The following SGSH variants were observed in gnomAD, a reference collection of about 807,000 sequenced individuals.
SGSH encodes N-sulfoglucosamine sulfohydrolase.
A neutral mutation model predicts 51.0 loss-of-function variants in SGSH; 48 were observed. That is an observed-to-expected ratio of 0.94 (90% CI 0.75 to 1.20). The LOEUF is 1.20. SGSH is among the 50% of genes most tolerant of loss of function. SGSH has a pLI of 0.00. For synonymous variants in SGSH, 321 were observed against 313.4 expected, an observed-to-expected ratio of 1.02 and a Z score of -0.26; for missense variants, 662 against 717.8, an observed-to-expected ratio of 0.92 and a Z score of 0.89.
downstream of SGSH, chr17:80,207,801 G>C (rs1428085091): frequency 1.1e-5 from 3 of 279,438 alleles, no homozygotes; most frequent in African/African-American, 6.5e-5. Flanking sequence ...CCCGGCCTCA[G>C]CTCCACTGAC....
At chr17:80,202,460 C>T, downstream of SGSH, 1 of 1,593,406 alleles carries the variant, frequency 6.3e-7, no homozygotes, top group South Asian at 1.1e-5. Flanking sequence ...CCCAGAGAGG[C>T]CCACAGGGAA....
At position 80,210,694 on chromosome 17, in the gene SGSH, A is replaced by C; in HGVS notation, c.1267T>G (p.Trp423Gly). 2 of 1,614,070 alleles carry C rather than the reference A, an allele frequency of 1.2e-6. No homozygotes were observed. The highest frequency in any genetic ancestry group is 1.7e-6 in the Non-Finnish European group (2 of 1,180,038). Reference protein sequence around the residue: ...NRTTAGQPTGWYKDLRHYYYR... With the variant: ...NRTTAGQPTGGYKDLRHYYYR... ...TAGTAATGACGGAGGTCCTTGTACC[A>C]GCCCGTGGGCTGACCAGCTGTGGTG... The change falls in exon 8 of 8, where the codon TGG (tryptophan) becomes GGG (glycine). Residue 423 changes from tryptophan to glycine, a missense_variant. Coordinates refer to ENST00000326317, the MANE Select transcript of SGSH (RefSeq NM_000199.5).
Position 80,210,625 on chromosome 17 carries a change from G to A in SGSH, c.1336C>T (p.His446Tyr), listed in dbSNP as rs1370947498. The change falls in exon 8 of 8, where the codon CAC (histidine) becomes TAC (tyrosine). Residue 446 changes from histidine (H) to tyrosine (Y), a missense_variant. Coordinates refer to ENST00000326317, the MANE Select transcript of SGSH (RefSeq NM_000199.5). ...WELYDRSRDP[H>Y]ETQNLATDPR... ...TCGGTGGCCAGGTTCTGGGTCTCGTGGGGGTCCCGGCTCCGGTCGTAGAGC... is the reference window on the plus strand; with the variant it reads ...TCGGTGGCCAGGTTCTGGGTCTCGTAGGGGTCCCGGCTCCGGTCGTAGAGC... 1 of 1,613,726 alleles carries A rather than the reference G, an allele frequency of 6.2e-7. No homozygotes were observed. Among genetic ancestry groups the A allele is most frequent in the Non-Finnish European group, 8.5e-7 (1 of 1,179,922 alleles).
downstream of SGSH, chr17:80,202,180 G>A (rs1238031435): frequency 6.2e-7 from 1 of 1,613,002 alleles, no homozygotes; most frequent in Admixed American, 1.7e-5. Flanking sequence ...CTTTTATCAG[G>A]TTATAAGAGG....
At chr17:80,203,762 C>T (rs1199828283), downstream of SGSH, 1 of 1,402,310 alleles carries the variant, frequency 7.1e-7, no homozygotes, top group East Asian at 2.5e-5. This position sits in a 1 kb window ranked among gnomAD's most constrained non-coding sequence, Gnocchi z 4.6. Context: ...GCTCGGCTCT[C>T]CCCTGCCCTG....
chr17:80,202,741 G>A, downstream of SGSH: 1 of 539,690 alleles, frequency 1.9e-6, no homozygotes, highest in Non-Finnish European at 2.8e-6. Context: ...GCAGGATATA[G>A]AGCAGCATCC....
Position 80,210,571 on chromosome 17 carries a change from G to C in SGSH, c.1390C>G (p.Leu464Val). The C allele has an allele frequency of 1.9e-6, 3 of 1,613,180 alleles. 1 individual carries two copies. In the South Asian group the frequency reaches 3.3e-5, roughly 18 times the overall value. ...TGCCACTTGGCCAGCTGGTCCCGAA[G>C]CATCTCCAGAAGCTGAGCAAAGCGC... The part of the protein sequence containing the change: ...DPRFAQLLEM[L>V]RDQLAKWQWE... The change falls in exon 8 of 8, where the codon CTT becomes GTT. Residue 464 changes from leucine to valine, a missense_variant. Coordinates refer to ENST00000326317, the MANE Select transcript of SGSH (RefSeq NM_000199.5).
At chr17:80,202,434 T>G (rs8069255), downstream of SGSH, 25,718 of 1,604,998 alleles carry the variant, frequency 0.016, 460 homozygotes, top group African/African-American at 0.068. Flanking sequence ...AGCAGCTGCC[T>G]CGAGCTCGGT....
At chr17:80,219,930 C>G (rs565646242) in intron 1 of SGSH, 1 of 341,746 alleles carries the variant, frequency 2.9e-6, no homozygotes, top group East Asian at 4.4e-5. Flanking sequence ...ATTTGAGATC[C>G]GTGGACCCCT....
At chr17:80,211,776 A>G (rs1451093753) in intron 7 of SGSH, 1 of 486,368 alleles carries the variant, frequency 2.1e-6, no homozygotes, top group South Asian at 2.1e-5. Flanking sequence ...CAAGCATCCC[A>G]GGTGATTCTG....
downstream of SGSH, chr17:80,204,237 G>A (rs764097798): frequency 4.4e-6 from 7 of 1,589,658 alleles, no homozygotes; most frequent in East Asian, 1.6e-4. Flanking sequence ...CCATCTTCTG[G>A]GGGACCACAG....
rs2144674104 is a variant in SGSH, at chr17:80,209,754, C to T, written c.*698G>A. 1 of 985,668 alleles carries T rather than the reference C, an allele frequency of 1.0e-6. No individual in the cohort carries two copies. The allele number at this position is 985,668 out of a possible 1,614,324, so 61.1% of individuals were successfully genotyped here. Reference sequence around the variant, plus strand: ...GCATCGCCATGCCTTCATCTTCGGACACTCTCAAAAAAGATAAGCTTCTGC... The same window carrying T: ...GCATCGCCATGCCTTCATCTTCGGATACTCTCAAAAAAGATAAGCTTCTGC... On this transcript the variant is annotated 3_prime_UTR_variant, in exon 8 of 8. Coordinates refer to ENST00000326317, the MANE Select transcript of SGSH (RefSeq NM_000199.5).
rs1189287474 is a variant in SGSH, at chr17:80,212,134, C to A, written c.886G>T (p.Val296Leu). The change falls in exon 7 of 8, where the codon GTG (valine) becomes TTG (leucine). Residue 296 changes from valine to leucine, a missense_variant. Physicochemically the swap from Val to Leu is conservative, Grantham distance 32. Coordinates refer to ENST00000326317, the MANE Select transcript of SGSH (RefSeq NM_000199.5). This position sits in a 1 kb window ranked among gnomAD's most constrained non-coding sequence, Gnocchi z 5.9. The stretch of plus-strand genomic sequence containing the variant: ...CGTTTTGGGTGCTCCGGGGATGACA[C>A]CAGTAAGGGTTCAGCAGTGCCCGGC... ...YWPGTAEPLLVSSPEHPKRWG... is the reference protein window; with the variant it reads ...YWPGTAEPLLLSSPEHPKRWG... The A allele has an allele frequency of 6.2e-7, 1 of 1,613,478 alleles. No individual in the cohort carries two copies. The highest frequency in any genetic ancestry group is 1.3e-5 in the African/African-American group (1 of 74,920).
intron 1 of SGSH, chr17:80,219,638 T>C (rs1164744823): frequency 6.6e-6 from 1 of 152,316 alleles, no homozygotes; most frequent in Non-Finnish European, 1.5e-5. Flanking sequence ...GGCCTTGGGT[T>C]TGGCCTTGTC....
At chr17:80,205,474 C>T, downstream of SGSH, 1 of 1,556,418 alleles carries the variant, frequency 6.4e-7, no homozygotes, top group Non-Finnish European at 8.7e-7. Flanking sequence ...TACCATGGGA[C>T]TCCCCCAGAC....
rs2041535596 is a variant in SGSH, at chr17:80,209,467, T to G, written c.*985A>C. 1 of 985,506 alleles carries G rather than the reference T, an allele frequency of 1.0e-6. No homozygotes were observed. The highest frequency in any genetic ancestry group is 6.1e-5 in the Admixed American group (1 of 16,264). 61.0% of individuals were successfully genotyped at this position (985,506 alleles called of 1,614,324 possible). On this transcript the variant is annotated 3_prime_UTR_variant, in exon 8 of 8. Transcript: ENST00000326317. ...CCGAGGGGTGTCCAGGCCGGGCTTC[T>G]GCTCCCGAGGTGGGTGGAGGCAGGG...
At position 80,214,192 on chromosome 17, in the gene SGSH, A is replaced by G. The variant is rs756939944; in HGVS notation, c.643T>C (p.Tyr215His). The G allele has an allele frequency of 4.3e-6, 7 of 1,611,170 alleles. No individual in the cohort carries two copies. In the African/African-American group the frequency reaches 8.0e-5, roughly 18 times the overall value. The change falls in exon 5 of 8, where the codon TAC (tyrosine) becomes CAC (histidine). Residue 215 changes from tyrosine to histidine, a missense_variant. Tyr to His is a moderately conservative substitution (Grantham distance 83, BLOSUM62 2). Coordinates refer to ENST00000326317, the MANE Select transcript of SGSH (RefSeq NM_000199.5). The part of the protein sequence containing the change: ...GRIPDWTPQA[Y>H]DPLDVLVPYF... ...CCTACCAGCACGTCCAGTGGGTCGT[A>G]GGCCTGGGGGGTCCAGTCTGGGATA...
At chr17:80,203,940 C>T (rs1465630609), downstream of SGSH, 26 of 1,425,960 alleles carry the variant, frequency 1.8e-5, no homozygotes, top group Admixed American at 1.1e-4. The surrounding 1 kb of genome is among the most constrained non-coding windows in gnomAD (Gnocchi z 4.6). Context: ...AAGAGGGGCT[C>T]GGTGCTGGCA....
rs1211675075 is a variant in SGSH, at chr17:80,215,086, A to G, written c.302T>C (p.Phe101Ser). 6.2e-7 allele frequency: 1 copy of G among 1,612,266 alleles called. No individual in the cohort carries two copies. Among genetic ancestry groups the G allele is most frequent in the Admixed American group, 1.7e-5 (1 of 59,994 alleles). Residue 101 changes from phenylalanine (F) to serine (S), a missense_variant, in exon 3 of 8, where the codon TTC (phenylalanine) becomes TCC (serine). Phe to Ser is a radical substitution (Grantham distance 155). Coordinates refer to ENST00000326317, the MANE Select transcript of SGSH (RefSeq NM_000199.5). ...CAGCGGCAGGCTCCGCACCTTGTCG[A>G]AGGAGTTGAAGTGGTGCACGTCCTG... ...LHQDVHHFNS[F>S]DKVRSLPLLL...
Sources: allele counts gnomAD v4.1 joint callset, GRCh38; gene constraint gnomAD v4.1.1; non-coding constraint Gnocchi (gnomAD v3.1); transcripts MANE v1.5; gene names NCBI Gene and HGNC (gene_info 2026-07-23, HGNC 2026-07-21).